USP15: variants seen among roughly 807,000 people sequenced by gnomAD.
The protein encoded by USP15 is ubiquitin specific peptidase 15.
In USP15, 18 loss-of-function variants were observed where a neutral mutation model predicts 127.1. The ratio of observed to expected loss-of-function variants is 0.14; its 90% CI spans 0.10 to 0.21. The LOEUF is 0.21. Ranked by LOEUF, USP15 falls within the 10% of genes least tolerant of loss-of-function variation. The pLI is 1.00. For missense variants in USP15, 805 were observed against 1,159.9 expected, an observed-to-expected ratio of 0.69 and a Z score of 4.44; for synonymous variants, 364 against 393.7, an observed-to-expected ratio of 0.92 and a Z score of 0.89.
intron 1 of USP15, among the ~76,000 whole-genome samples, chr12:62,282,177 A>T (rs1258978151): frequency 6.6e-6 from 1 of 152,110 alleles, no homozygotes; most frequent in Admixed American, 6.5e-5. Context: ...AAAATAAACA[A>T]AATTAGCTGA....
chr12:62,288,942 C>T (rs12370119), intron 1 of USP15, among the ~76,000 whole-genome samples: 10,135 of 152,190 alleles, frequency 0.067, 464 homozygotes, highest in South Asian at 0.14. Context: ...GTAAAACCCA[C>T]TTGATCATGG....
In USP15 at chr12:62,411,058, C is replaced by T. The variant is rs2068028608; in HGVS notation, c.*6683C>T. The T allele has an allele frequency of 6.6e-6, 1 of 152,036 alleles. No individual in the cohort carries two copies. Among genetic ancestry groups the T allele is most frequent in the African/African-American group, 2.4e-5 (1 of 41,392 alleles). 9.4% of individuals were successfully genotyped at this position (152,036 alleles called of 1,614,324 possible). A position where few individuals can be genotyped will look rare whatever the true frequency, so the allele number is the denominator to read the frequency against. ...AGCAAGCCACACCTGAATTCCTAAC[C>T]CACAAAAACTGTGAGATAACAGATG... On this transcript the variant is annotated 3_prime_UTR_variant, in exon 22 of 22. Transcript: ENST00000280377.
intron 9 of USP15, among the ~76,000 whole-genome samples, chr12:62,382,316 T>C (rs1251806220): frequency 6.6e-6 from 1 of 151,988 alleles, no homozygotes; most frequent in Non-Finnish European, 1.5e-5. Context: ...CTTAATTATA[T>C]AGGTGAAACT....
intron 8 of USP15, among the ~76,000 whole-genome samples, chr12:62,362,479 T>C (rs1348612386): frequency 1.3e-5 from 2 of 152,172 alleles, no homozygotes; most frequent in Non-Finnish European, 2.9e-5. Flanking sequence ...ATTCAAGTAC[T>C]CCTTTTGGAA....
At chr12:62,347,656 T>C (rs7299688) in intron 6 of USP15, among the ~76,000 whole-genome samples, 3,348 of 152,134 alleles carry the variant, frequency 0.022, 125 homozygotes, top group African/African-American at 0.075. Flanking sequence ...TCTGGGAATA[T>C]TAGGATTATT....
At chr12:62,335,674 A>AAAACCAT (rs1172409960) in intron 6 of USP15, 11 of 986,268 alleles carry the variant, frequency 1.1e-5, no homozygotes, top group Non-Finnish European at 1.3e-5. Flanking sequence ...TTTAAAACCA[A>AAAACCAT]AAACCATATA....
At chr12:62,342,210 A>G (rs897397428) in intron 6 of USP15, among the ~76,000 whole-genome samples, 7 of 151,704 alleles carry the variant, frequency 4.6e-5, no homozygotes, top group Non-Finnish European at 8.8e-5. Context: ...TGAGCTATTG[A>G]TACTTCTGTA....
chr12:62,389,271 T>C (rs7971588), intron 11 of USP15, among the ~76,000 whole-genome samples, 160 bp from the exon 12 acceptor site: 34,066 of 152,112 alleles, frequency 0.22, 4,160 homozygotes, highest in African/African-American at 0.34. Context: ...AAATTATCCA[T>C]GTGGGCATTG....
Position 62,414,947 on chromosome 12 carries a change from TCTCC to T in USP15, c.*10576_*10579del, listed in dbSNP as rs1258871037. ...GTGTATACACATATATGTATAGCTC[TCTCC>T]CTCATATATACACATATCATGTATA... On this transcript the variant is annotated 3_prime_UTR_variant, in exon 22 of 22. Coordinates refer to ENST00000280377, the MANE Select transcript of USP15 (RefSeq NM_001252078.2). 2 of 151,516 alleles carry T rather than the reference TCTCC, an allele frequency of 1.3e-5. No individual in the cohort carries two copies. The highest frequency in any genetic ancestry group is 3.9e-4 in the East Asian group (2 of 5,158). The allele number at this position is 151,516 out of a possible 1,614,324, so 9.4% of individuals were successfully genotyped here.
At chr12:62,383,614 C>T (rs2067055778) in intron 9 of USP15, among the ~76,000 whole-genome samples, 1 of 151,964 alleles carries the variant, frequency 6.6e-6, no homozygotes, top group Non-Finnish European at 1.5e-5. Context: ...AAAGCATCAC[C>T]TTGTTCAACC....
At chr12:62,344,632 A>T (rs2065755411) in intron 6 of USP15, among the ~76,000 whole-genome samples, 1 of 152,186 alleles carries the variant, frequency 6.6e-6, no homozygotes, top group Non-Finnish European at 1.5e-5. Context: ...CTCCAAACCC[A>T]TATTTCCCTT....
chr12:62,276,338 A>G (rs2063489219), intron 1 of USP15, among the ~76,000 whole-genome samples: 1 of 152,136 alleles, frequency 6.6e-6, no homozygotes, highest in Non-Finnish European at 1.5e-5. Context: ...CAATTTAATT[A>G]CTACTCTGGG....
At chr12:62,314,108 C>A in intron 3 of USP15, 1 of 646,364 alleles carries the variant, frequency 1.5e-6, no homozygotes. Context: ...TTATGGCTTG[C>A]ATGCTTAACA....
intron 6 of USP15, among the ~76,000 whole-genome samples, chr12:62,337,412 T>G (rs2065503312): frequency 6.6e-6 from 1 of 152,150 alleles, no homozygotes; most frequent in African/African-American, 2.4e-5. Context: ...GCAAGTCACG[T>G]CTCAGAGCTT....
intron 2 of USP15, among the ~76,000 whole-genome samples, chr12:62,297,103 A>G (rs2064153312): frequency 6.6e-6 from 1 of 152,144 alleles, no homozygotes; most frequent in Non-Finnish European, 1.5e-5. Flanking sequence ...TGCACTGCCC[A>G]TGCCTTTCAG....
chr12:62,340,389 C>G (rs1254234729), intron 6 of USP15, among the ~76,000 whole-genome samples: 2 of 152,076 alleles, frequency 1.3e-5, no homozygotes, highest in Non-Finnish European at 2.9e-5. Context: ...CTATCTCCTT[C>G]AGTTCTGCTC....
intron 1 of USP15, among the ~76,000 whole-genome samples, chr12:62,293,622 C>T (rs563907044): frequency 1.3e-5 from 2 of 152,302 alleles, no homozygotes; most frequent in African/African-American, 4.8e-5. Context: ...TTCCAAAGCG[C>T]TGGGATTACA....
intron 1 of USP15, among the ~76,000 whole-genome samples, chr12:62,277,312 T>G (rs1045440967): frequency 6.6e-6 from 1 of 152,196 alleles, no homozygotes; most frequent in African/African-American, 2.4e-5. Flanking sequence ...TTTATTATCT[T>G]CTTTAAAACA....
chr12:62,277,040 A>G (rs560443849), intron 1 of USP15, among the ~76,000 whole-genome samples: 30 of 152,218 alleles, frequency 2.0e-4, no homozygotes, highest in African/African-American at 5.8e-4. Context: ...ATTTGACTGT[A>G]CTTCATTCTG....
Sources: allele counts gnomAD v4.1 joint callset (sites outside exome capture counted in the v4.1 genomes callset), GRCh38; gene constraint gnomAD v4.1.1; transcripts MANE v1.5; gene names NCBI Gene and HGNC (gene_info 2026-07-23, HGNC 2026-07-21).